Variants in EGFL6 observed in about 807,000 individuals in gnomAD.
EGFL6 encodes the protein EGF like domain multiple 6.
A neutral mutation model predicts 43.1 loss-of-function variants in EGFL6; 42 were observed. The observed-to-expected ratio is 0.98, with a 90% CI of 0.76 to 1.26. The LOEUF (loss-of-function observed/expected upper bound fraction) is 1.26. EGFL6 is among the 50% of genes most tolerant of loss of function. The probability of loss-of-function intolerance (pLI) is 0.00; values close to 1 mark genes in which losing one functional copy is unlikely to be tolerated. For synonymous variants in EGFL6, 164 were observed against 163.2 expected (o/e 1.01, Z -0.04); for missense variants, 429 against 427.8 (o/e 1.00, Z -0.02).
intron 11 of EGFL6, among the ~76,000 whole-genome samples, chrX:13,632,043 T>C (rs949411181): frequency 3.6e-5 from 4 of 110,797 alleles, no homozygotes; most frequent in African/African-American, 6.5e-5. Context: ...TTTTGATTAC[T>C]AATAAATTTA....
intron 11 of EGFL6, among the ~76,000 whole-genome samples, chrX:13,627,603 C>T (rs1294360130): frequency 3.6e-5 from 4 of 111,850 alleles, no homozygotes; most frequent in Non-Finnish European, 7.5e-5. Context: ...CATTCTATGC[C>T]CAGAACTTAC....
At chrX:13,608,845 T>C (rs1256065656) in intron 7 of EGFL6, among the ~76,000 whole-genome samples, 1 of 112,492 alleles carries the variant, frequency 8.9e-6, no homozygotes, top group Non-Finnish European at 1.9e-5. Context: ...AAAGGTTTTT[T>C]AACCAAGTGA....
At chrX:13,613,053 G>A (rs1307800418) in intron 7 of EGFL6, among the ~76,000 whole-genome samples, 2 of 108,461 alleles carry the variant, frequency 1.8e-5, no homozygotes, top group African/African-American at 6.8e-5. Context: ...GCTGAGGTAG[G>A]AGAATTGCTT....
intron 1 of EGFL6, among the ~76,000 whole-genome samples, chrX:13,582,373 AAACAATTACTTCCATTTTTT>A (rs1301117345): frequency 9.0e-6 from 1 of 111,255 alleles, no homozygotes; most frequent in Non-Finnish European, 1.9e-5. Flanking sequence ...GTTGATTCTT[AAACAATTACTTCCATTTTTT>A]AACAAATGAG....
chrX:13,612,885 C>G (rs906063178), intron 7 of EGFL6, among the ~76,000 whole-genome samples: 2 of 111,595 alleles, frequency 1.8e-5, no homozygotes, highest in East Asian at 5.6e-4. Context: ...TAGCTCATGC[C>G]TGTAATCCTA....
At chrX:13,604,310 G>A (rs2045648908) in intron 5 of EGFL6, among the ~76,000 whole-genome samples, 1 of 111,564 alleles carries the variant, frequency 9.0e-6, no homozygotes, top group African/African-American at 3.3e-5. Flanking sequence ...CCAGTGTTGG[G>A]TAAATCTGAT....
chrX:13,613,856 G>A (rs980377670), intron 7 of EGFL6, among the ~76,000 whole-genome samples: 5 of 111,882 alleles, frequency 4.5e-5, no homozygotes, highest in African/African-American at 1.6e-4. Flanking sequence ...AGTTTGTAGG[G>A]TGTGTATTCA....
intron 3 of EGFL6, among the ~76,000 whole-genome samples, chrX:13,596,916 G>A (rs1191210634): frequency 1.8e-5 from 2 of 112,195 alleles, no homozygotes; most frequent in African/African-American, 3.2e-5. Context: ...TAAACGTGGT[G>A]AATAAAAGTG....
rs186485823 is a variant in EGFL6, at chrX:13,589,597, G to C, written c.116G>C (p.Gly39Ala). The C allele has an allele frequency of 9.1e-6, 11 of 1,209,602 alleles. No individual in the cohort carries two copies. The East Asian group carries it at 3.0e-4, about 33-fold the overall frequency. Reference sequence around the variant, plus strand: ...TTGTTAGCATCGGCACGTCAGCCTGGGGTCTGTCACTATGGAACTAAACTG... The same window carrying C: ...TTGTTAGCATCGGCACGTCAGCCTGCGGTCTGTCACTATGGAACTAAACTG... Reference protein sequence around the residue: ...HGLLASARQPGVCHYGTKLAC... With the variant: ...HGLLASARQPAVCHYGTKLAC... The change falls in exon 2 of 12, where the codon GGG becomes GCG. Residue 39 changes from glycine (G) to alanine (A), a missense_variant. Transcript: ENST00000361306.
At chrX:13,578,621 C>T (rs1177112583) in intron 1 of EGFL6, among the ~76,000 whole-genome samples, 2 of 110,970 alleles carry the variant, frequency 1.8e-5, no homozygotes, top group Non-Finnish European at 3.8e-5. Context: ...GAGTTCATAT[C>T]CTTTGTAGGG....
chrX:13,582,492 AC>A (rs1312798063), intron 1 of EGFL6, among the ~76,000 whole-genome samples: 1 of 111,503 alleles, frequency 9.0e-6, no homozygotes, highest in Non-Finnish European at 1.9e-5. Flanking sequence ...GGAATTCCTT[AC>A]AGCAGATAAG....
chrX:13,606,452 C>T lies in EGFL6; in HGVS notation c.594C>T (p.Tyr198=). 3.3e-6 allele frequency: 4 copies of T among 1,209,753 alleles called. No homozygotes were observed. The highest frequency in any genetic ancestry group is 4.5e-6 in the Non-Finnish European group (4 of 893,568). ...NRRCVNTFGS[Y]YCKCHIGFEL... is the part of the protein sequence containing the mutation. ...GATGTGTGAACACATTTGGAAGCTA[C>T]TACTGCAAATGTCACATTGGTTTCG... Residue 198 remains tyrosine, a synonymous_variant, in exon 6 of 12, where the codon TAC becomes TAT. Coordinates refer to ENST00000361306, the MANE Select transcript of EGFL6 (RefSeq NM_015507.4).
At chrX:13,613,005 C>T (rs1162321759) in intron 7 of EGFL6, among the ~76,000 whole-genome samples, 2 of 108,612 alleles carry the variant, frequency 1.8e-5, no homozygotes, top group African/African-American at 6.7e-5. Context: ...ATTAGCCAGG[C>T]ATGGTGGTGT....
At chrX:13,582,296 C>G (rs1284200894) in intron 1 of EGFL6, among the ~76,000 whole-genome samples, 10 of 110,321 alleles carry the variant, frequency 9.1e-5, no homozygotes, top group African/African-American at 3.3e-4. Context: ...CTCCTAACCT[C>G]TTGATCCGCC....
chrX:13,596,772 G>A (rs1006121503), intron 3 of EGFL6, among the ~76,000 whole-genome samples: 6 of 111,945 alleles, frequency 5.4e-5, no homozygotes, highest in African/African-American at 1.6e-4. Context: ...TTTGGAGGGG[G>A]TGCTACTGGT....
chrX:13,585,350 C>T (rs2045528249), intron 1 of EGFL6, among the ~76,000 whole-genome samples: 1 of 111,966 alleles, frequency 8.9e-6, no homozygotes, highest in South Asian at 3.7e-4. Context: ...AAGTTTGCAC[C>T]TTCAAAGGGA....
intron 7 of EGFL6, among the ~76,000 whole-genome samples, chrX:13,612,942 C>T (rs1010217345): frequency 9.1e-6 from 1 of 109,357 alleles, no homozygotes; most frequent in African/African-American, 3.3e-5. Context: ...CTCAGGGGTG[C>T]AAGACCAGCC....
intron 3 of EGFL6, among the ~76,000 whole-genome samples, chrX:13,597,279 A>C (rs1441713813): frequency 1.8e-5 from 2 of 111,647 alleles, no homozygotes; most frequent in Non-Finnish European, 3.8e-5. Flanking sequence ...TTCAGAGAAG[A>C]CTGGACACCC....
intron 1 of EGFL6, among the ~76,000 whole-genome samples, chrX:13,571,065 C>T (rs1376981242): frequency 1.8e-5 from 2 of 109,819 alleles, no homozygotes; most frequent in Admixed American, 1.9e-4. Context: ...CACCTGTGGC[C>T]TCTACTCACT....
Sources: gnomAD v4.1 joint callset for allele counts (sites outside exome capture counted in the v4.1 genomes callset) on GRCh38, gnomAD v4.1.1 for gene constraint, MANE v1.5 for transcripts, NCBI Gene and HGNC (gene_info 2026-07-23, HGNC 2026-07-21) for gene names.